The following SGCD variants were observed in gnomAD, a reference collection of about 807,000 sequenced individuals.
SGCD encodes sarcoglycan delta.
A neutral mutation model predicts 36.6 loss-of-function variants in SGCD; 18 were observed. The ratio of observed to expected loss-of-function variants is 0.49; its 90% CI spans 0.34 to 0.73. The LOEUF (loss-of-function observed/expected upper bound fraction) is 0.73, where lower values mean the gene tolerates loss of function less well. Among genes scored for constraint, SGCD ranks in the 30% least tolerant of loss-of-function variants. The pLI is 0.01. For missense variants in SGCD, 387 were observed against 346.7 expected (o/e 1.12, Z -0.92); for synonymous variants, 133 against 130.6 (o/e 1.02, Z -0.12).
the SGCD span, among the ~76,000 whole-genome samples, chr5:155,734,303 C>G: frequency 2.0e-5 from 3 of 151,702 alleles, no homozygotes; most frequent in African/African-American, 7.3e-5. Context: ...CCTCCTGGGT[C>G]AAACCATCCT....
At chr5:156,128,259 T>A (rs1323417843) in intron 3 of SGCD, among the ~76,000 whole-genome samples, 3 of 152,150 alleles carry the variant, frequency 2.0e-5, no homozygotes, top group Non-Finnish European at 4.4e-5. Flanking sequence ...GGATGTGAAG[T>A]AACCACAGTT....
chr5:156,586,926 CT>C (rs1366288114), intron 4 of SGCD, among the ~76,000 whole-genome samples: 5 of 151,918 alleles, frequency 3.3e-5, no homozygotes, highest in Admixed American at 6.6e-5. Flanking sequence ...ACATATTTTT[CT>C]TTATTTTGGG....
At chr5:156,232,766 C>T (rs1765051668) in intron 3 of SGCD, among the ~76,000 whole-genome samples, 1 of 152,148 alleles carries the variant, frequency 6.6e-6, no homozygotes, top group Non-Finnish European at 1.5e-5. Flanking sequence ...GGGATTCTGC[C>T]TTGCCTTTAT....
intron 7 of SGCD, among the ~76,000 whole-genome samples, chr5:156,675,692 G>T (rs1485819582): frequency 6.6e-6 from 1 of 152,154 alleles, no homozygotes; most frequent in Non-Finnish European, 1.5e-5. Context: ...GGTGAGTTTT[G>T]TAAGCATTCC....
intron 7 of SGCD, among the ~76,000 whole-genome samples, chr5:156,667,506 G>A (rs942562428): frequency 5.9e-5 from 9 of 152,116 alleles, no homozygotes; most frequent in Non-Finnish European, 2.9e-5. Flanking sequence ...ATAATTATTT[G>A]GTCATAAGCA....
At chr5:155,938,501 T>A (rs1031001434) in intron 1 of SGCD, among the ~76,000 whole-genome samples, 5 of 152,198 alleles carry the variant, frequency 3.3e-5, no homozygotes, top group African/African-American at 1.2e-4. Flanking sequence ...ACCCTGTCCT[T>A]TTCTTCTTTT....
At chr5:156,457,299 A>G (rs1301921230) in intron 3 of SGCD, among the ~76,000 whole-genome samples, 1 of 152,184 alleles carries the variant, frequency 6.6e-6, no homozygotes, top group East Asian at 1.9e-4. Flanking sequence ...CCTCTAAAAT[A>G]ATTTCTGACA....
chr5:156,594,300 G>A (rs1760838403), intron 5 of SGCD, among the ~76,000 whole-genome samples: 1 of 152,146 alleles, frequency 6.6e-6, no homozygotes. Flanking sequence ...TTCAAGAACA[G>A]CATCTGTTGT....
intron 4 of SGCD, among the ~76,000 whole-genome samples, chr5:156,540,034 G>A (rs1000271232): frequency 3.3e-5 from 5 of 152,092 alleles, no homozygotes; most frequent in Admixed American, 1.3e-4. Flanking sequence ...GCCACACCTT[G>A]AAAACATAAA....
intron 3 of SGCD, among the ~76,000 whole-genome samples, chr5:156,442,182 A>C (rs977034331): frequency 6.6e-6 from 1 of 152,172 alleles, no homozygotes; most frequent in East Asian, 1.9e-4. Flanking sequence ...TCACTTTAAG[A>C]AATTGTGCGT....
intron 1 of SGCD, among the ~76,000 whole-genome samples, chr5:156,327,808 AT>A (rs1767879456): frequency 6.6e-6 from 1 of 152,178 alleles, no homozygotes; most frequent in South Asian, 2.1e-4. Context: ...ATTATCTGGG[AT>A]TTGACTGTCA....
intron 3 of SGCD, among the ~76,000 whole-genome samples, chr5:156,271,133 CT>C (rs1766166335): frequency 1.3e-5 from 2 of 152,072 alleles, no homozygotes; most frequent in Admixed American, 1.3e-4. Context: ...AACAACTATT[CT>C]TAGGAAGAAT....
chr5:155,996,554 G>C (rs907674992), intron 1 of SGCD, among the ~76,000 whole-genome samples: 1 of 152,144 alleles, frequency 6.6e-6, no homozygotes, highest in African/African-American at 2.4e-5. Context: ...GAGGCGGGGG[G>C]ATCACTTAAG....
chr5:156,703,386 T>A (rs147891760), intron 7 of SGCD, among the ~76,000 whole-genome samples: 319 of 149,526 alleles, frequency 2.1e-3, no homozygotes, highest in African/African-American at 7.7e-3. Context: ...TTATTTCTTT[T>A]TTTTTTTTTC....
At chr5:156,260,421 A>C (rs1314492532) in intron 3 of SGCD, among the ~76,000 whole-genome samples, 1 of 152,166 alleles carries the variant, frequency 6.6e-6, no homozygotes, top group Non-Finnish European at 1.5e-5. Flanking sequence ...TTACTAAGCA[A>C]TATTTTATAA....
intron 2 of SGCD, among the ~76,000 whole-genome samples, chr5:156,334,926 A>T (rs1768264438): frequency 6.6e-6 from 1 of 152,122 alleles, no homozygotes; most frequent in Admixed American, 6.5e-5. Flanking sequence ...ATTCAGGAAA[A>T]GTTAAGTCTT....
intron 6 of SGCD, among the ~76,000 whole-genome samples, chr5:156,646,501 C>G (rs1354577199): frequency 2.6e-5 from 4 of 152,114 alleles, no homozygotes; most frequent in African/African-American, 7.2e-5. Flanking sequence ...GACAGAACAC[C>G]ACACCATTCA....
At chr5:156,725,252 G>A (rs1755714485) in intron 7 of SGCD, among the ~76,000 whole-genome samples, 1 of 152,212 alleles carries the variant, frequency 6.6e-6, no homozygotes, top group Non-Finnish European at 1.5e-5. Flanking sequence ...TCTCAGGGGA[G>A]AACCATGCTT....
At chr5:156,076,106 C>T (rs552072252) in intron 1 of SGCD, among the ~76,000 whole-genome samples, 1 of 151,990 alleles carries the variant, frequency 6.6e-6, no homozygotes, top group South Asian at 2.1e-4. Flanking sequence ...TACTATCTCG[C>T]GGTCGCCATA....
Sources: gnomAD v4.1 joint callset for allele counts (sites outside exome capture counted in the v4.1 genomes callset) on GRCh38, gnomAD v4.1.1 for gene constraint, MANE v1.5 for transcripts, NCBI Gene and HGNC (gene_info 2026-07-23, HGNC 2026-07-21) for gene names.